Variants in MYO18B observed in about 807,000 individuals in gnomAD.
MYO18B encodes unconventional myosin-XVIIIb.
MYO18B carries 204 observed loss-of-function variants against 273.0 expected under a neutral mutation model. The observed-to-expected ratio is 0.75, with a 90% CI of 0.67 to 0.84. MYO18B has a LOEUF of 0.84. Among genes scored for constraint, MYO18B ranks in the 40% least tolerant of loss-of-function variants. The pLI is 0.00. For synonymous variants in MYO18B, 1,330 were observed against 1,305.7 expected (o/e 1.02, Z -0.40); for missense variants, 3,212 against 3,287.6 (o/e 0.98, Z 0.56).
At position 25,769,105 on chromosome 22, in the gene MYO18B, C is replaced by A; in HGVS notation, c.1189C>A (p.Gln397Lys). 1 of 1,613,434 alleles carries A rather than the reference C, an allele frequency of 6.2e-7. No individual in the cohort carries two copies. The highest frequency in any genetic ancestry group is 8.5e-7 in the Non-Finnish European group (1 of 1,179,662). The change falls in exon 4 of 44, where the codon CAA (glutamine) becomes AAA (lysine). Residue 397 changes from glutamine (Q) to lysine (K), a missense_variant. Coordinates refer to ENST00000335473, the MANE Select transcript of MYO18B (RefSeq NM_032608.7). ...CTGGGATAAGAAGGAAAAGATGGGG[C>A]AACCCCAGGGTAAGTCCGGGAACGC... ...ESWDKKEKMG[Q>K]PQGKSGNAGE...
chr22:26,005,513 GCA>G (rs1473751789), intron 42 of MYO18B, among the ~76,000 whole-genome samples: 2 of 152,138 alleles, frequency 1.3e-5, no homozygotes, highest in African/African-American at 4.8e-5. Flanking sequence ...ACCCTTAGTT[GCA>G]CAGTTTCTAT....
In MYO18B at chr22:25,769,143, G is replaced by A. The variant is rs371450746; in HGVS notation, c.1227G>A (p.Arg409=). Residue 409 remains arginine, a synonymous_variant, in exon 4 of 44, where the codon CGG becomes CGA. Transcript: ENST00000335473. ...QGKSGNAGEA[R]SQTEKGCEAP... Reference sequence around the variant, plus strand: ...AGTCCGGGAACGCAGGTGAAGCTCGGAGTCAGACAGAGAAGGGCTGTGAAG... The same window carrying A: ...AGTCCGGGAACGCAGGTGAAGCTCGAAGTCAGACAGAGAAGGGCTGTGAAG... 15 of 1,613,332 alleles carry A rather than the reference G, an allele frequency of 9.3e-6. No homozygotes were observed. Among genetic ancestry groups the A allele is most frequent in the Non-Finnish European group, 1.2e-5 (14 of 1,179,710 alleles).
At chr22:25,764,853 T>G (rs939157243) in intron 3 of MYO18B, among the ~76,000 whole-genome samples, 6 of 152,192 alleles carry the variant, frequency 3.9e-5, no homozygotes, top group Non-Finnish European at 8.8e-5. Context: ...GTGGATGGGA[T>G]TCTACCCATT....
chr22:25,930,466 C>A (rs562306891), intron 34 of MYO18B, among the ~76,000 whole-genome samples: 1 of 151,810 alleles, frequency 6.6e-6, no homozygotes, highest in East Asian at 2.0e-4. Flanking sequence ...GCCACCAATG[C>A]CTCCTGTTGG....
intron 12 of MYO18B, among the ~76,000 whole-genome samples, chr22:25,811,778 C>G (rs1469811247): frequency 6.6e-6 from 1 of 152,100 alleles, no homozygotes; most frequent in South Asian, 2.1e-4. Flanking sequence ...TTGTTTCTTG[C>G]CATTTTGGTA....
the MYO18B span, among the ~76,000 whole-genome samples, chr22:26,041,363 A>AC: frequency 6.8e-6 from 1 of 147,978 alleles, no homozygotes; most frequent in East Asian, 1.9e-4. Flanking sequence ...AAAAAAAAAA[A>AC]AAAAAAAAAC....
At chr22:25,835,835 A>C (rs2089880460) in intron 17 of MYO18B, among the ~76,000 whole-genome samples, 1 of 152,228 alleles carries the variant, frequency 6.6e-6, no homozygotes, top group Admixed American at 6.5e-5. Context: ...CAGGAACACG[A>C]TGCAGGACAA....
rs776351511 is a variant in MYO18B, at chr22:25,763,314, G to C, written c.123G>C (p.Leu41=). The part of the protein sequence containing the change: ...SVIPGGFIKQ[L]VRGTEKEAKE... ...TCCCAGGGGGCTTCATTAAGCAACT[G>C]GTCCGGGGGACTGAAAAAGAGGCCA... The change falls in exon 3 of 44, where the codon CTG becomes CTC. Residue 41 remains leucine, a synonymous_variant. Transcript: ENST00000335473. 6.2e-7 allele frequency: 1 copy of C among 1,613,226 alleles called. No individual in the cohort carries two copies. The highest frequency in any genetic ancestry group is 2.2e-5 in the East Asian group (1 of 44,872).
At chr22:25,819,455 T>C (rs1431800932) in intron 12 of MYO18B, among the ~76,000 whole-genome samples, 2 of 152,188 alleles carry the variant, frequency 1.3e-5, no homozygotes, top group African/African-American at 4.8e-5. Context: ...TCACTCTCAA[T>C]CCCCAGCACA....
rs547860638 is a variant in MYO18B at position 25,956,396 on chromosome 22, A to G, written c.6156+1032A>G. On this transcript the variant is annotated intron_variant, in intron 39 of 43. Transcript: ENST00000335473. Reference sequence around the variant, plus strand: ...ATGTCCGTCTAATTTTTTGTATTTTAGTAGAGACAGGGTTTCACTTTGTGG... The same window carrying G: ...ATGTCCGTCTAATTTTTTGTATTTTGGTAGAGACAGGGTTTCACTTTGTGG... 1.7e-3 allele frequency among the ~76,000 whole-genome samples: 264 copies of G among 152,104 alleles called. 2 individuals are homozygous for G. The highest frequency in any genetic ancestry group is 6.1e-3 in the African/African-American group (252 of 41,482).
intron 18 of MYO18B, among the ~76,000 whole-genome samples, chr22:25,844,594 C>T (rs923435061): frequency 2.0e-5 from 3 of 152,222 alleles, no homozygotes; most frequent in Non-Finnish European, 4.4e-5. Flanking sequence ...TCCTTAGTCC[C>T]ATTTTACACA....
rs2087724780 is a variant in MYO18B, at chr22:25,792,539, G to C, written c.2377-5414G>C. Among the ~76,000 whole-genome samples, 3 of 124,032 alleles carry C rather than the reference G, an allele frequency of 2.4e-5. No homozygotes were observed. The South Asian group carries it at 8.1e-4, about 34-fold the overall frequency. 81.4% of individuals were successfully genotyped at this position (124,032 alleles called of 152,430 possible). On this transcript the variant is annotated intron_variant, in intron 11 of 43. Transcript: ENST00000335473. The stretch of plus-strand genomic sequence containing the variant: ...GAGACAGAGTCTGGCTCTGTGCCCA[G>C]GCTGGAGTGCAATGGCGCGGTCTCG...
chr22:25,968,393 G>C (rs1244280744), intron 39 of MYO18B, among the ~76,000 whole-genome samples: 1 of 152,126 alleles, frequency 6.6e-6, no homozygotes, highest in Admixed American at 6.5e-5. Context: ...AGGAGAAATG[G>C]TTTCCAAAAA....
At chr22:25,928,193 G>A (rs1321265935) in intron 34 of MYO18B, among the ~76,000 whole-genome samples, 3 of 152,020 alleles carry the variant, frequency 2.0e-5, no homozygotes, top group Non-Finnish European at 4.4e-5. Flanking sequence ...CTTGGCTGAG[G>A]AGCTTCAGTT....
rs532625844 is a variant in MYO18B, at chr22:25,820,533, T to G, written c.2522-2972T>G. 1.5e-3 allele frequency among the ~76,000 whole-genome samples: 220 copies of G among 144,596 alleles called. 10 individuals are homozygous for G. In the South Asian group the frequency reaches 0.046, roughly 30 times the overall value. The allele number at this position is 144,596 out of a possible 152,430, so 94.9% of individuals were successfully genotyped here. On this transcript the variant is annotated intron_variant, in intron 12 of 43. Transcript: ENST00000335473. ...GAAAATAAGAGATGAAAGAGAGAAC[T>G]TTTTTTAGTTTTATTTTTTAAGTTG...
At chr22:25,842,344 C>G (rs567538686) in intron 17 of MYO18B, among the ~76,000 whole-genome samples, 1 of 152,218 alleles carries the variant, frequency 6.6e-6, no homozygotes, top group Admixed American at 6.5e-5. Flanking sequence ...CCGAATAGAT[C>G]CAAGAGTCAT....
chr22:25,993,376 C>T (rs891207293), intron 40 of MYO18B, among the ~76,000 whole-genome samples: 2 of 152,178 alleles, frequency 1.3e-5, no homozygotes, highest in Non-Finnish European at 2.9e-5. Context: ...AAGACACTTT[C>T]CTTACACAGC....
chr22:25,794,694 T>C (rs5761199), intron 11 of MYO18B, among the ~76,000 whole-genome samples: 110,612 of 151,250 alleles, frequency 0.73, 40,532 homozygotes, highest in East Asian at 0.86. Flanking sequence ...TTAGTAGAGA[T>C]GGGGTTTCAC....
intron 29 of MYO18B, chr22:25,899,266 T>C (rs1479781354): frequency 6.6e-6 from 1 of 152,248 alleles, no homozygotes; most frequent in African/African-American, 2.4e-5. Context: ...CTTGGACGCC[T>C]TGGCTGTGTC....
Sources: gnomAD v4.1 joint callset for allele counts (sites outside exome capture counted in the v4.1 genomes callset) on GRCh38, gnomAD v4.1.1 for gene constraint, MANE v1.5 for transcripts, NCBI Gene and HGNC (gene_info 2026-07-23, HGNC 2026-07-21) for gene names.